FBXO11: variants seen among roughly 807,000 people sequenced by gnomAD.
FBXO11 encodes the protein F-box only protein 11.
FBXO11 carries 13 observed loss-of-function variants against 117.0 expected under a neutral mutation model. That is an observed-to-expected ratio of 0.11 (90% CI 0.07 to 0.18). The LOEUF (loss-of-function observed/expected upper bound fraction) is 0.18, where lower values mean the gene tolerates loss of function less well. Ranked by LOEUF, FBXO11 falls within the 10% of genes least tolerant of loss-of-function variation. The pLI, the probability that FBXO11 is intolerant of heterozygous loss-of-function variation, is 1.00. For missense variants in FBXO11, 767 were observed against 1,164.4 expected, an observed-to-expected ratio of 0.66 and a Z score of 4.97; for synonymous variants, 490 against 380.5, an observed-to-expected ratio of 1.29 and a Z score of -3.35.
At position 47,817,661 on chromosome 2, in the gene FBXO11, C is replaced by T. The variant is rs190066316; in HGVS notation, c.2006+1118G>A. 4.6e-5 allele frequency among the ~76,000 whole-genome samples: 7 copies of T among 152,250 alleles called. No homozygotes were observed. In the East Asian group the frequency reaches 1.4e-3, roughly 29 times the overall value. ...CTTTCACTTCAATACTTATAGAGGC[C>T]ATTTGAGGATTACTAATTGGCCTAA... is the stretch of plus-strand genomic sequence containing the variant. On this transcript the variant is annotated intron_variant, in intron 16 of 22. Coordinates refer to ENST00000403359, the MANE Select transcript of FBXO11 (RefSeq NM_001190274.2).
chr2:47,821,933 A>G (rs879484672), intron 13 of FBXO11, among the ~76,000 whole-genome samples: 8 of 152,198 alleles, frequency 5.3e-5, no homozygotes, highest in Non-Finnish European at 1.0e-4. Context: ...CTCCACAAAT[A>G]AATGAGTGGG....
At chr2:47,846,554 T>G (rs1222379574) in intron 1 of FBXO11, among the ~76,000 whole-genome samples, 3 of 152,088 alleles carry the variant, frequency 2.0e-5, no homozygotes, top group African/African-American at 7.2e-5. Flanking sequence ...AATCAAAGAC[T>G]TAAAAATAAC....
At position 47,813,598 on chromosome 2, in the gene FBXO11, A is replaced by G. The variant is rs535364082; in HGVS notation, c.2083+193T>C. 1.4e-4 allele frequency among the ~76,000 whole-genome samples: 21 copies of G among 151,552 alleles called. No individual in the cohort carries two copies. The South Asian group carries it at 4.4e-3, about 32-fold the overall frequency. On this transcript the variant is annotated intron_variant, in intron 17 of 22. Coordinates refer to ENST00000403359, the MANE Select transcript of FBXO11 (RefSeq NM_001190274.2). The stretch of plus-strand genomic sequence containing the variant: ...AGGCGTGTGCCACCATGTCCAACTA[A>G]TTTTTGTAATATTTAGTAGAGACAG...
Position 47,905,469 on chromosome 2 carries a change from G to A in FBXO11, c.232+20C>T, listed in dbSNP as rs1558492859. 5 of 1,221,610 alleles carry A rather than the reference G, an allele frequency of 4.1e-6. No homozygotes were observed. The highest frequency in any genetic ancestry group is 4.1e-6 in the Non-Finnish European group (4 of 981,942). The allele number at this position is 1,221,610 out of a possible 1,614,324, so 75.7% of individuals were successfully genotyped here. A position where few individuals can be genotyped will look rare whatever the true frequency, so the allele number is the denominator to read the frequency against. ...GCGGTGCCCGGGAAGGCGGGCGGTT[G>A]GGAGGTAGCGCGGCCTTACCCCGCT... On this transcript the variant is annotated intron_variant, in intron 1 of 22. Transcript: ENST00000403359.
intron 18 of FBXO11, among the ~76,000 whole-genome samples, chr2:47,811,959 C>A (rs895255094): frequency 6.6e-6 from 1 of 151,980 alleles, no homozygotes; most frequent in Non-Finnish European, 1.5e-5. Flanking sequence ...CCCCCCCAAC[C>A]TTTTCACACC....
chr2:47,905,544 CGGCGGA>C lies in FBXO11; in HGVS notation c.171_176del (p.Pro65_Pro66del). 3 of 1,240,434 alleles carry C rather than the reference CGGCGGA, an allele frequency of 2.4e-6. No homozygotes were observed. The highest frequency in any genetic ancestry group is 3.0e-6 in the Non-Finnish European group (3 of 994,848). 76.8% of individuals were successfully genotyped at this position (1,240,434 alleles called of 1,614,324 possible). A position where few individuals can be genotyped will look rare whatever the true frequency, so the allele number is the denominator to read the frequency against. On this transcript the variant is annotated inframe_deletion, in exon 1 of 23. Coordinates refer to ENST00000403359, the MANE Select transcript of FBXO11 (RefSeq NM_001190274.2). ...GCAGCGGCGGAGGCGGCGGTGGCGGCGGCGGAGGCTGCTGCTGCTGCTGCTGCTGCG... is the reference window on the plus strand; with the variant it reads ...GCAGCGGCGGAGGCGGCGGTGGCGGCGGCTGCTGCTGCTGCTGCTGCTGCG...
At position 47,906,459 on chromosome 2, in the gene FBXO11, CAGG is replaced by C. The variant is rs1678823270; in HGVS notation, c.-742_-740del. On this transcript the variant is annotated 5_prime_UTR_variant, in exon 1 of 23. Coordinates refer to ENST00000403359, the MANE Select transcript of FBXO11 (RefSeq NM_001190274.2). ...CGCTGCTTCTGCTGCTGCTCCGTGG[CAGG>C]AGGAGCCATTGACACCGCCGGAGCC... 6.6e-6 allele frequency among the ~76,000 whole-genome samples: 1 copy of C among 151,968 alleles called. No individual in the cohort carries two copies. The highest frequency in any genetic ancestry group is 1.5e-5 in the Non-Finnish European group (1 of 67,970).
intron 1 of FBXO11, among the ~76,000 whole-genome samples, chr2:47,894,986 A>G (rs1413951690): frequency 6.6e-6 from 1 of 152,200 alleles, no homozygotes; most frequent in African/African-American, 2.4e-5. Context: ...TTAAAATAAA[A>G]TAATTTCCAA....
In FBXO11 at chr2:47,862,110, G is replaced by T. The variant is rs145666300; in HGVS notation, c.233-22341C>A. Among the ~76,000 whole-genome samples the T allele has an allele frequency of 3.2e-3, 488 of 151,992 alleles. 3 individuals carry two copies. Among genetic ancestry groups the T allele is most frequent in the Non-Finnish European group, 5.4e-3 (369 of 67,968 alleles). On this transcript the variant is annotated intron_variant, in intron 1 of 22. Coordinates refer to ENST00000403359, the MANE Select transcript of FBXO11 (RefSeq NM_001190274.2). ...TTTATTTTTTATTTTTAATAGAGAT[G>T]GGGTTTCACCATGTTGGCCAGGCTG...
intron 1 of FBXO11, among the ~76,000 whole-genome samples, chr2:47,881,011 T>C (rs187598381): frequency 6.6e-6 from 1 of 152,238 alleles, no homozygotes; most frequent in Non-Finnish European, 1.5e-5. Context: ...TCCCAGCACT[T>C]TGGGAGGCTG....
At chr2:47,903,816 C>G (rs1321667416) in intron 1 of FBXO11, among the ~76,000 whole-genome samples, 3 of 152,118 alleles carry the variant, frequency 2.0e-5, no homozygotes, top group Non-Finnish European at 4.4e-5. Context: ...AGTGGCAATT[C>G]TGGAAGAAGA....
At chr2:47,847,166 A>C (rs1391458174) in intron 1 of FBXO11, among the ~76,000 whole-genome samples, 1 of 152,018 alleles carries the variant, frequency 6.6e-6, no homozygotes, top group Non-Finnish European at 1.5e-5. Flanking sequence ...AATTGCTTGA[A>C]CCTGAAAGGT....
intron 4 of FBXO11, among the ~76,000 whole-genome samples, chr2:47,837,483 T>C (rs1672672202): frequency 6.6e-6 from 1 of 152,188 alleles, no homozygotes; most frequent in Non-Finnish European, 1.5e-5. Context: ...GTCAAGATTG[T>C]GCCACTGCAC....
intron 1 of FBXO11, among the ~76,000 whole-genome samples, chr2:47,855,900 G>A (rs1302233310): frequency 6.6e-6 from 1 of 151,602 alleles, no homozygotes; most frequent in South Asian, 2.1e-4. Flanking sequence ...GTATTGCCTG[G>A]TAAGATATAG....
chr2:47,903,150 T>A (rs2104107535), intron 1 of FBXO11, among the ~76,000 whole-genome samples: 1 of 152,334 alleles, frequency 6.6e-6, no homozygotes, highest in Non-Finnish European at 1.5e-5. Flanking sequence ...AAAATGTCAA[T>A]TTTTCAAAGA....
rs546633414 is a variant in FBXO11, at chr2:47,853,063, T to G, written c.233-13294A>C. On this transcript the variant is annotated intron_variant, in intron 1 of 22. Coordinates refer to ENST00000403359, the MANE Select transcript of FBXO11 (RefSeq NM_001190274.2). ...CAGGACATAAACCTTTTGGAAATGT[T>G]TAATTTGAAGAATTTTTTTTTTTTT... is the stretch of plus-strand genomic sequence containing the variant. Among the ~76,000 whole-genome samples, 4 of 152,120 alleles carry G rather than the reference T, an allele frequency of 2.6e-5. No homozygotes were observed. The South Asian group carries it at 8.3e-4, about 31-fold the overall frequency.
intron 16 of FBXO11, among the ~76,000 whole-genome samples, chr2:47,814,700 A>G (rs1252165049): frequency 1.3e-5 from 2 of 152,168 alleles, no homozygotes; most frequent in African/African-American, 4.8e-5. Flanking sequence ...TCTTAAAATA[A>G]GACAATTAAG....
chr2:47,881,883 G>C (rs1676456410), intron 1 of FBXO11, among the ~76,000 whole-genome samples: 1 of 152,118 alleles, frequency 6.6e-6, no homozygotes. Flanking sequence ...AAGTAGCTGG[G>C]ACTACAGGTG....
Position 47,814,078 on chromosome 2 carries a change from A to G in FBXO11, c.2007-211T>C, listed in dbSNP as rs1670831637. 6.4e-6 allele frequency: 3 copies of G among 465,890 alleles called. No individual in the cohort carries two copies. The South Asian group carries it at 7.4e-5, about 11-fold the overall frequency. 28.9% of individuals were successfully genotyped at this position (465,890 alleles called of 1,614,324 possible). A position where few individuals can be genotyped will look rare whatever the true frequency, so the allele number is the denominator to read the frequency against. The stretch of plus-strand genomic sequence containing the variant: ...ATACTTTACTACAGATTATTATTGT[A>G]GAGTTTCCTAACATGTAAACTAAAT... On this transcript the variant is annotated intron_variant, in intron 16 of 22. Coordinates refer to ENST00000403359, the MANE Select transcript of FBXO11 (RefSeq NM_001190274.2).
Sources: gnomAD v4.1 joint callset for allele counts (sites outside exome capture counted in the v4.1 genomes callset) on GRCh38, gnomAD v4.1.1 for gene constraint, MANE v1.5 for transcripts, NCBI Gene and HGNC (gene_info 2026-07-23, HGNC 2026-07-21) for gene names.